The following NRG1 variants were observed in gnomAD, a reference collection of about 807,000 sequenced individuals.
NRG1 encodes neuregulin 1.
NRG1 carries 18 observed loss-of-function variants against 63.8 expected under a neutral mutation model. The observed-to-expected ratio is 0.28, with a 90% CI of 0.19 to 0.42. NRG1 has a LOEUF of 0.42. Among genes scored for constraint, NRG1 ranks in the 10% least tolerant of loss-of-function variants. The pLI is 1.00. For missense variants in NRG1, 762 were observed against 814.7 expected (o/e 0.94, Z 0.79); for synonymous variants, 302 against 301.3 (o/e 1.00, Z -0.02).
intron 1 of NRG1, among the ~76,000 whole-genome samples, chr8:32,003,671 T>A (rs2129727968): frequency 6.6e-6 from 1 of 152,108 alleles, no homozygotes; most frequent in East Asian, 1.9e-4. Flanking sequence ...TTATAATTTT[T>A]GAAATTATAA....
At chr8:32,358,622 T>A (rs2129480860) in intron 1 of NRG1, among the ~76,000 whole-genome samples, 1 of 152,270 alleles carries the variant, frequency 6.6e-6, no homozygotes, top group South Asian at 2.1e-4. Flanking sequence ...GTGACAAGGC[T>A]GAAAAATCTC....
chr8:32,518,657 A>C (rs916510245), intron 1 of NRG1, among the ~76,000 whole-genome samples: 1 of 152,220 alleles, frequency 6.6e-6, no homozygotes, highest in African/African-American at 2.4e-5. Context: ...AGTGCTTATT[A>C]CCATAAGGAT....
chr8:31,746,975 G>GA (rs1815937756), intron 1 of NRG1, among the ~76,000 whole-genome samples: 2 of 151,960 alleles, frequency 1.3e-5, no homozygotes, highest in East Asian at 3.9e-4. Context: ...TGAACTAATG[G>GA]ACCTAGAGAG....
In NRG1 at chr8:31,731,417, T is replaced by TACACACACACACAC. The variant is rs139927733; in HGVS notation, c.37+92002_37+92015dup. On this transcript the variant is annotated intron_variant, in intron 1 of 10. Coordinates refer to the NRG1 transcript ENST00000519301. ...AAAAGTAGGATACAAAATTATGTCA[T>TACACACACACACAC]ACACACACACACACACACACACACA... 3.4e-3 allele frequency among the ~76,000 whole-genome samples: 503 copies of TACACACACACACAC among 148,400 alleles called. 2 individuals carry two copies. Among genetic ancestry groups the TACACACACACACAC allele is most frequent in the African/African-American group, 0.012 (478 of 40,342 alleles).
intron 1 of NRG1, among the ~76,000 whole-genome samples, chr8:32,085,899 T>G (rs1163497270): frequency 6.6e-6 from 1 of 152,230 alleles, no homozygotes; most frequent in Admixed American, 6.5e-5. Context: ...CACACAGAGA[T>G]AGACATGGCC....
exon 12 of NRG1, chr8:32,767,944 T>G (rs930348184): frequency 2.0e-5 from 3 of 152,216 alleles, no homozygotes; most frequent in Non-Finnish European, 4.4e-5. Flanking sequence ...GCAATAAAAA[T>G]GCTACTCTGT....
intron 1 of NRG1, chr8:32,287,623 T>C (rs1372513307): frequency 6.6e-6 from 1 of 152,230 alleles, no homozygotes; most frequent in Non-Finnish European, 1.5e-5. Context: ...GATTTATTCA[T>C]CAAGCATTCG....
At chr8:31,673,816 T>C (rs1360514061) in intron 1 of NRG1, among the ~76,000 whole-genome samples, 2 of 152,166 alleles carry the variant, frequency 1.3e-5, no homozygotes, top group African/African-American at 4.8e-5. Flanking sequence ...AATTTAAATA[T>C]ACCATAAAAT....
rs1826584719 is a variant in NRG1, at chr8:32,742,503, T to G, written c.633-172T>G. Among the ~76,000 whole-genome samples the G allele has an allele frequency of 6.6e-6, 1 of 152,166 alleles. No individual in the cohort carries two copies. The highest frequency in any genetic ancestry group is 1.5e-5 in the Non-Finnish European group (1 of 68,026). ...GCATTCTGTCCAAATTTTTAACCAT[T>G]TGGGGGAAGTGCCAGAGCCTGAAAG... On this transcript the variant is annotated intron_variant, in intron 6 of 11. Transcript: ENST00000356819. The surrounding 1 kb of genome is among the most constrained non-coding windows in gnomAD (Gnocchi z 4.2).
chr8:32,007,456 C>G (rs182915056), intron 1 of NRG1, among the ~76,000 whole-genome samples: 10 of 152,140 alleles, frequency 6.6e-5, no homozygotes, highest in Non-Finnish European at 1.3e-4. Flanking sequence ...TGGTAAGACT[C>G]TCTCTAATAA....
At chr8:31,994,942 C>A (rs986834844) in intron 1 of NRG1, among the ~76,000 whole-genome samples, 2 of 151,796 alleles carry the variant, frequency 1.3e-5, no homozygotes, top group Non-Finnish European at 2.9e-5. Context: ...AAAGATCTTT[C>A]TTTAACTAAC....
chr8:31,877,303 T>A lies in NRG1; in HGVS notation c.37+237872T>A, dbSNP rs541426037. On this transcript the variant is annotated intron_variant, in intron 1 of 10. Transcript: ENST00000519301. ...TTCTTTAGTGTTATAACAAGCAAGTTGTTTTTATGCCGTATTTATGAGCTG... is the reference window on the plus strand; with the variant it reads ...TTCTTTAGTGTTATAACAAGCAAGTAGTTTTTATGCCGTATTTATGAGCTG... Among the ~76,000 whole-genome samples the A allele has an allele frequency of 5.3e-5, 8 of 152,276 alleles. No homozygotes were observed. The South Asian group carries it at 1.7e-3, about 32-fold the overall frequency.
intron 1 of NRG1, among the ~76,000 whole-genome samples, chr8:31,991,395 C>T (rs1431750878): frequency 6.7e-6 from 1 of 149,356 alleles, no homozygotes; most frequent in Non-Finnish European, 1.5e-5. Context: ...TCTGCTGCTT[C>T]TTCTTCTTCT....
chr8:31,901,179 A>C (rs1023818014), intron 1 of NRG1, among the ~76,000 whole-genome samples: 1 of 152,194 alleles, frequency 6.6e-6, no homozygotes, highest in South Asian at 2.1e-4. Flanking sequence ...TTGTAAAAGA[A>C]CTAGGAATGG....
intron 1 of NRG1, among the ~76,000 whole-genome samples, chr8:32,000,512 C>A (rs1321528659): frequency 6.6e-6 from 1 of 151,914 alleles, no homozygotes; most frequent in African/African-American, 2.4e-5. Flanking sequence ...AGCAATCCTC[C>A]CACCTCAGCC....
chr8:31,929,334 T>C (rs1023157732), intron 1 of NRG1, among the ~76,000 whole-genome samples: 1 of 152,152 alleles, frequency 6.6e-6, no homozygotes, highest in Non-Finnish European at 1.5e-5. Context: ...GGCTAAACTT[T>C]TACAAATTTC....
chr8:31,706,153 A>G (rs1024372021), intron 1 of NRG1, among the ~76,000 whole-genome samples: 1 of 152,098 alleles, frequency 6.6e-6, no homozygotes, highest in Non-Finnish European at 1.5e-5. Context: ...CTACATCCCC[A>G]TCTTCCCAGC....
chr8:31,958,345 T>A (rs1804829841), intron 1 of NRG1, among the ~76,000 whole-genome samples: 1 of 152,218 alleles, frequency 6.6e-6, no homozygotes, highest in Admixed American at 6.5e-5. Flanking sequence ...GGTACCATTT[T>A]GTTACCTCCT....
chr8:31,688,229 A>G (rs1222704572), intron 1 of NRG1, among the ~76,000 whole-genome samples: 2 of 152,168 alleles, frequency 1.3e-5, no homozygotes, highest in African/African-American at 4.8e-5. Flanking sequence ...CCTGATCTCC[A>G]AAGTGATGGT....
Sources: allele counts gnomAD v4.1 joint callset (sites outside exome capture counted in the v4.1 genomes callset), GRCh38; gene constraint gnomAD v4.1.1; non-coding constraint Gnocchi (gnomAD v3.1); transcripts MANE v1.5; gene names NCBI Gene and HGNC (gene_info 2026-07-23, HGNC 2026-07-21).